The following SLCO1A2 variants were observed in gnomAD, a reference collection of about 807,000 sequenced individuals.
The protein encoded by SLCO1A2 is solute carrier organic anion transporter family member 1A2.
A neutral mutation model predicts 69.0 loss-of-function variants in SLCO1A2; 67 were observed. The observed-to-expected ratio is 0.97, with a 90% CI of 0.80 to 1.19. SLCO1A2 has a LOEUF of 1.19. SLCO1A2 is among the 50% of genes most tolerant of loss of function. The pLI is 0.00. For synonymous variants in SLCO1A2, 260 were observed against 265.9 expected (o/e 0.98, Z 0.22); for missense variants, 787 against 793.7 (o/e 0.99, Z 0.10).
intron 8 of SLCO1A2, 34 bp from the exon 9 acceptor site, chr12:21,297,602 A>C (rs556569064): frequency 6.9e-7 from 1 of 1,452,514 alleles, no homozygotes; most frequent in Admixed American, 2.1e-5. Context: ...TGTCAAACGA[A>C]CTTGGCTTTG....
chr12:21,356,291 A>G (rs1938357894), intron 2 of SLCO1A2, among the ~76,000 whole-genome samples: 1 of 152,030 alleles, frequency 6.6e-6, no homozygotes, highest in Non-Finnish European at 1.5e-5. Flanking sequence ...CATTATTAAT[A>G]TGACAGAAGT....
At chr12:21,287,803 T>C (rs1288812898) in intron 12 of SLCO1A2, among the ~76,000 whole-genome samples, 3 of 108,096 alleles carry the variant, frequency 2.8e-5, no homozygotes, top group African/African-American at 3.7e-5. Flanking sequence ...TAGGTGGGAA[T>C]TGAACAATGA....
chr12:21,351,594 G>C (rs1937960960), intron 2 of SLCO1A2, among the ~76,000 whole-genome samples: 1 of 151,934 alleles, frequency 6.6e-6, no homozygotes, highest in South Asian at 2.1e-4. Flanking sequence ...TGGCCAAAAT[G>C]GTGAAACTCC....
intron 2 of SLCO1A2, among the ~76,000 whole-genome samples, chr12:21,323,551 T>A (rs1412474993): frequency 6.6e-6 from 1 of 151,946 alleles, no homozygotes; most frequent in Non-Finnish European, 1.5e-5. Context: ...GGTGACAGAG[T>A]AAGACCCTGA....
At position 21,381,836 on chromosome 12, in the gene SLCO1A2, C is replaced by T. The variant is rs555959294; in HGVS notation, c.-189-7311G>A. Among the ~76,000 whole-genome samples, 4 of 152,132 alleles carry T rather than the reference C, an allele frequency of 2.6e-5. No homozygotes were observed. In the South Asian group the frequency reaches 8.3e-4, roughly 32 times the overall value. ...AAAAAGTAGAAAAACAATAGATATTCGTGTAAATGTGGGGAAAAAGAAATG... is the reference window on the plus strand; with the variant it reads ...AAAAAGTAGAAAAACAATAGATATTTGTGTAAATGTGGGGAAAAAGAAATG... On this transcript the variant is annotated intron_variant, in intron 1 of 15. Transcript: ENST00000307378.
rs1462831402 is a variant in SLCO1A2, at chr12:21,371,851, A to G, written c.-63+2548T>C. 2.6e-5 allele frequency among the ~76,000 whole-genome samples: 4 copies of G among 152,148 alleles called. No homozygotes were observed. In the South Asian group the frequency reaches 8.3e-4, roughly 32 times the overall value. On this transcript the variant is annotated intron_variant, in intron 2 of 15. Coordinates refer to the SLCO1A2 transcript ENST00000307378. ...ATCCCCGTCTCCACTAAAAATACAA[A>G]ATTAGCCATACATGGTGATGCATGC...
chr12:21,352,877 T>C (rs1247667962), intron 2 of SLCO1A2, among the ~76,000 whole-genome samples: 2 of 152,234 alleles, frequency 1.3e-5, no homozygotes, highest in Non-Finnish European at 2.9e-5. Flanking sequence ...TTGGCCAGTT[T>C]GTCCCACTCA....
At chr12:21,281,337 C>A (rs187069196) in intron 12 of SLCO1A2, among the ~76,000 whole-genome samples, 4 of 152,026 alleles carry the variant, frequency 2.6e-5, no homozygotes, top group African/African-American at 9.7e-5. Context: ...GTAGTCCCAA[C>A]TTCTCAGGAG....
chr12:21,274,379 A>T (rs1943414000), intron 14 of SLCO1A2, 90 bp downstream of exon 14: 3 of 757,436 alleles, frequency 4.0e-6, no homozygotes, highest in African/African-American at 1.7e-5. Flanking sequence ...TATTCTTTTC[A>T]CTTGACAAAG....
chr12:21,363,269 A>C (rs1939083172), intron 2 of SLCO1A2, among the ~76,000 whole-genome samples: 1 of 152,182 alleles, frequency 6.6e-6, no homozygotes, highest in African/African-American at 2.4e-5. Context: ...CTACATGGAA[A>C]CTGAACAACC....
At chr12:21,383,786 A>C (rs1241742887) in intron 1 of SLCO1A2, among the ~76,000 whole-genome samples, 1 of 152,112 alleles carries the variant, frequency 6.6e-6, no homozygotes, top group Non-Finnish European at 1.5e-5. Flanking sequence ...TGTATGCTCA[A>C]GTGTTATTTC....
At chr12:21,371,889 C>T (rs1939821946) in intron 2 of SLCO1A2, among the ~76,000 whole-genome samples, 1 of 152,074 alleles carries the variant, frequency 6.6e-6, no homozygotes, top group African/African-American at 2.4e-5. Flanking sequence ...GTAATCCCAG[C>T]TACTCTGTAG....
chr12:21,357,720 T>A (rs563823147), intron 2 of SLCO1A2, among the ~76,000 whole-genome samples: 35 of 151,650 alleles, frequency 2.3e-4, no homozygotes, highest in Admixed American at 1.4e-3. Context: ...CTGTGTTTAT[T>A]TTTTTTGTTT....
chr12:21,356,998 C>T (rs994683334), intron 2 of SLCO1A2, among the ~76,000 whole-genome samples: 3 of 149,866 alleles, frequency 2.0e-5, no homozygotes, highest in Non-Finnish European at 3.0e-5. Flanking sequence ...AAATATTGAC[C>T]ACAAAATAGT....
chr12:21,269,778 A>T lies in SLCO1A2; in HGVS notation c.1794-11T>A, dbSNP rs758663747. ...CCGAGGTAGATGTATCTATTTTTTT[A>T]AAAGTTAAAACATATTAAATATTAC... On this transcript the variant is annotated splice_polypyrimidine_tract_variant and intron_variant, in intron 14 of 14. Coordinates refer to ENST00000683939, the MANE Select transcript of SLCO1A2 (RefSeq NM_001386879.1). 3.1e-6 allele frequency: 5 copies of T among 1,598,054 alleles called. No individual in the cohort carries two copies. In the South Asian group the frequency reaches 4.5e-5, roughly 14 times the overall value.
At chr12:21,270,326 A>G (rs972258035) in intron 14 of SLCO1A2, among the ~76,000 whole-genome samples, 2 of 151,848 alleles carry the variant, frequency 1.3e-5, no homozygotes. Context: ...TTACACCAAT[A>G]GATTTTCTGA....
intron 1 of SLCO1A2, among the ~76,000 whole-genome samples, chr12:21,406,646 T>A (rs570755019): frequency 6.6e-6 from 1 of 152,340 alleles, no homozygotes; most frequent in Admixed American, 6.5e-5. Context: ...TAAGTACTAT[T>A]GTTATCCCAC....
Position 21,275,346 on chromosome 12 carries a change from ATAAC to A in SLCO1A2, c.1675+10_1675+13del. 1 of 1,548,598 alleles carries A rather than the reference ATAAC, an allele frequency of 6.5e-7. No homozygotes were observed. Among genetic ancestry groups the A allele is most frequent in the Non-Finnish European group, 8.8e-7 (1 of 1,135,986 alleles). On this transcript the variant is annotated intron_variant, in intron 13 of 14. Coordinates refer to ENST00000683939, the MANE Select transcript of SLCO1A2 (RefSeq NM_001386879.1). Reference sequence around the variant, plus strand: ...TTGTTCTGATAGGATGTGGGAAAAAATAACTATTTTTACCAAATACTCTTGTGCA... The same window carrying A: ...TTGTTCTGATAGGATGTGGGAAAAAATATTTTTACCAAATACTCTTGTGCA...
chr12:21,394,964 T>A (rs1299315007), exon 1 of SLCO1A2: 2 of 152,254 alleles, frequency 1.3e-5, no homozygotes, highest in African/African-American at 4.8e-5. Flanking sequence ...GCACCGTAAG[T>A]GTGCTGTGAA....
Sources: gnomAD v4.1 joint callset for allele counts (sites outside exome capture counted in the v4.1 genomes callset) on GRCh38, gnomAD v4.1.1 for gene constraint, MANE v1.5 for transcripts, NCBI Gene and HGNC (gene_info 2026-07-23, HGNC 2026-07-21) for gene names.